Variants in DLGAP1 observed in about 807,000 individuals in gnomAD.
The protein encoded by DLGAP1 is disks large-associated protein 1.
Under a neutral mutation model 90.8 loss-of-function variants are expected in DLGAP1, and 11 were observed. The observed-to-expected ratio is 0.12, with a 90% confidence interval of 0.08 to 0.20. The LOEUF (loss-of-function observed/expected upper bound fraction) is 0.20. DLGAP1 is among the 10% of genes least tolerant of loss of function. The pLI, the probability that DLGAP1 is intolerant of heterozygous loss-of-function variation, is 1.00. For missense variants in DLGAP1, 1,050 were observed against 1,333.8 expected, an observed-to-expected ratio of 0.79 and a Z score of 3.31; for synonymous variants, 558 against 540.7, an observed-to-expected ratio of 1.03 and a Z score of -0.44.
chr18:4,254,379 AAAGT>A (rs1484417134), intron 1 of DLGAP1, among the ~76,000 whole-genome samples: 3 of 148,632 alleles, frequency 2.0e-5, no homozygotes, highest in Admixed American at 1.3e-4. Context: ...ATGCCCAAAG[AAAGT>A]AAGTATCATG....
chr18:3,513,110 C>A (rs753417859), intron 10 of DLGAP1, among the ~76,000 whole-genome samples: 4 of 152,190 alleles, frequency 2.6e-5, no homozygotes, highest in African/African-American at 7.2e-5. Context: ...ATCATATAAG[C>A]AGAATCATGC....
At chr18:4,185,122 T>C (rs922916384) in intron 1 of DLGAP1, among the ~76,000 whole-genome samples, 3 of 152,136 alleles carry the variant, frequency 2.0e-5, no homozygotes, top group African/African-American at 7.2e-5. Flanking sequence ...CCTTAATATT[T>C]AGTAAATTTG....
intron 10 of DLGAP1, among the ~76,000 whole-genome samples, chr18:3,525,851 C>A (rs901475322): frequency 2.0e-5 from 3 of 152,214 alleles, no homozygotes; most frequent in Non-Finnish European, 4.4e-5. Flanking sequence ...GTTCTGCCCC[C>A]AATTAACCAC....
chr18:4,141,396 G>A (rs1190395651), intron 2 of DLGAP1, among the ~76,000 whole-genome samples: 2 of 151,854 alleles, frequency 1.3e-5, no homozygotes, highest in East Asian at 3.9e-4. Flanking sequence ...TACTACTTTA[G>A]AAAACCCTGG....
At chr18:4,080,585 T>C (rs369509086) in intron 2 of DLGAP1, among the ~76,000 whole-genome samples, 1 of 152,196 alleles carries the variant, frequency 6.6e-6, no homozygotes, top group Admixed American at 6.5e-5. Flanking sequence ...AGGAAAAGAT[T>C]AACAGAGTCT....
intron 1 of DLGAP1, among the ~76,000 whole-genome samples, chr18:4,206,940 A>C (rs1451217304): frequency 3.9e-5 from 6 of 152,202 alleles, no homozygotes; most frequent in Non-Finnish European, 8.8e-5. Flanking sequence ...TTAAATATTA[A>C]TGTAAAAGAG....
intron 2 of DLGAP1, among the ~76,000 whole-genome samples, chr18:4,058,700 T>C (rs2075258113): frequency 6.6e-6 from 1 of 152,206 alleles, no homozygotes; most frequent in South Asian, 2.1e-4. Context: ...AGTATTCCTC[T>C]TGTTTTCTCC....
chr18:3,791,389 G>A (rs1460855605), intron 5 of DLGAP1, among the ~76,000 whole-genome samples: 7 of 152,180 alleles, frequency 4.6e-5, no homozygotes, highest in Admixed American at 4.6e-4. Flanking sequence ...TACTACAATG[G>A]TGTCAGAAAG....
rs2083928562 is a variant in DLGAP1, at chr18:4,454,702, T to C, written c.-267+304A>G. Reference sequence around the variant, plus strand: ...CTCCCCTCCCCCTTCCGGGACCCTGTCGCAATTAGAAATCCTTCCCCTGCC... The same window carrying C: ...CTCCCCTCCCCCTTCCGGGACCCTGCCGCAATTAGAAATCCTTCCCCTGCC... On this transcript the variant is annotated intron_variant, in intron 1 of 12. Transcript: ENST00000315677. This position sits in a 1 kb window ranked among gnomAD's most constrained non-coding sequence, Gnocchi z 4.7. Among the ~76,000 whole-genome samples, 1 of 151,696 alleles carries C rather than the reference T, an allele frequency of 6.6e-6. No individual in the cohort carries two copies. The highest frequency in any genetic ancestry group is 1.5e-5 in the Non-Finnish European group (1 of 67,904).
chr18:4,252,749 T>C (rs917430516), intron 1 of DLGAP1, among the ~76,000 whole-genome samples: 1 of 152,222 alleles, frequency 6.6e-6, no homozygotes, highest in African/African-American at 2.4e-5. Flanking sequence ...GATAAAACAT[T>C]TGCTGATTAT....
intron 5 of DLGAP1, among the ~76,000 whole-genome samples, chr18:3,754,241 A>T (rs2063618608): frequency 6.6e-6 from 1 of 152,068 alleles, no homozygotes; most frequent in African/African-American, 2.4e-5. Flanking sequence ...GGGTCCAAGC[A>T]ATCTGCCTGC....
At chr18:3,755,609 A>C (rs1415385552) in intron 5 of DLGAP1, among the ~76,000 whole-genome samples, 2 of 152,244 alleles carry the variant, frequency 1.3e-5, no homozygotes, top group Admixed American at 1.3e-4. Flanking sequence ...GTCTTAGTAC[A>C]TCAGGAAAAA....
chr18:4,357,010 A>G (rs2081530254), intron 1 of DLGAP1, among the ~76,000 whole-genome samples: 1 of 151,378 alleles, frequency 6.6e-6, no homozygotes, highest in South Asian at 2.1e-4. Context: ...ATGAATTCTT[A>G]TCTTTCCACG....
chr18:4,279,106 A>G (rs1019413069), intron 1 of DLGAP1, among the ~76,000 whole-genome samples: 4 of 152,220 alleles, frequency 2.6e-5, no homozygotes, highest in Admixed American at 1.3e-4. Context: ...TACATGCAGA[A>G]CAAGCGCTGG....
intron 2 of DLGAP1, among the ~76,000 whole-genome samples, chr18:4,028,095 A>G (rs894361644): frequency 6.6e-6 from 1 of 152,216 alleles, no homozygotes; most frequent in Non-Finnish European, 1.5e-5. Context: ...AAATCTAGAA[A>G]CAAACCCAAG....
At chr18:3,800,012 T>G (rs1304495515) in intron 5 of DLGAP1, among the ~76,000 whole-genome samples, 1 of 152,186 alleles carries the variant, frequency 6.6e-6, no homozygotes, top group Non-Finnish European at 1.5e-5. Context: ...CACCTAATTT[T>G]AAAATGGCCC....
intron 1 of DLGAP1, among the ~76,000 whole-genome samples, chr18:4,274,023 C>G (rs2079348226): frequency 6.7e-6 from 1 of 149,112 alleles, no homozygotes; most frequent in East Asian, 1.9e-4. Flanking sequence ...CTAATTTCTG[C>G]TCAAATCTTT....
At chr18:3,845,928 T>C (rs1467030712) in intron 4 of DLGAP1, among the ~76,000 whole-genome samples, 1 of 152,190 alleles carries the variant, frequency 6.6e-6, no homozygotes, top group East Asian at 1.9e-4. Context: ...CAACAATTCA[T>C]TCATTTTCTT....
intron 1 of DLGAP1, among the ~76,000 whole-genome samples, chr18:4,251,752 G>A (rs915544688): frequency 3.3e-5 from 5 of 152,218 alleles, no homozygotes; most frequent in Non-Finnish European, 5.9e-5. Context: ...TGAGCCTCAA[G>A]AGGGAATCAT....
Sources: gnomAD v4.1 joint callset for allele counts (sites outside exome capture counted in the v4.1 genomes callset) on GRCh38, gnomAD v4.1.1 for gene constraint, Gnocchi (gnomAD v3.1) non-coding constraint, MANE v1.5 for transcripts, NCBI Gene and HGNC (gene_info 2026-07-23, HGNC 2026-07-21) for gene names.